The following PARD3 variants were observed in gnomAD, a reference collection of about 807,000 sequenced individuals.
The protein encoded by PARD3 is par-3 family cell polarity regulator, also known as partitioning defective 3 homolog.
PARD3 carries 75 observed loss-of-function variants against 155.4 expected under a neutral mutation model. That is an observed-to-expected ratio of 0.48 (90% CI 0.40 to 0.58). PARD3 has a LOEUF of 0.58. PARD3 is among the 20% of genes least tolerant of loss of function. PARD3 has a pLI of 0.00. For missense variants in PARD3, 1,642 were observed against 1,721.7 expected (o/e 0.95, Z 0.82); for synonymous variants, 576 against 610.5 (o/e 0.94, Z 0.83).
chr10:34,514,548 TG>T (rs1220847582), intron 3 of PARD3, among the ~76,000 whole-genome samples: 2 of 152,218 alleles, frequency 1.3e-5, no homozygotes, highest in Non-Finnish European at 2.9e-5. Context: ...GTATAGTAGA[TG>T]CTTAACCCAA....
At chr10:34,174,928 CAA>C (rs1433276768) in intron 22 of PARD3, among the ~76,000 whole-genome samples, 1 of 152,066 alleles carries the variant, frequency 6.6e-6, no homozygotes, top group Non-Finnish European at 1.5e-5. Flanking sequence ...ATTTATAATA[CAA>C]TTCGTTTCAA....
chr10:34,235,579 T>A (rs939057564), intron 22 of PARD3, among the ~76,000 whole-genome samples: 2 of 152,234 alleles, frequency 1.3e-5, no homozygotes, highest in Non-Finnish European at 2.9e-5. Context: ...AAACGCCACA[T>A]TAACTACCAC....
At chr10:34,389,257 A>AG (rs1454874936) in intron 7 of PARD3, among the ~76,000 whole-genome samples, 1 of 150,358 alleles carries the variant, frequency 6.7e-6, no homozygotes, top group Non-Finnish European at 1.5e-5. Context: ...AAAAAAAAAA[A>AG]AAAAAAAAGA....
chr10:34,270,333 G>T (rs1046001711), intron 21 of PARD3, among the ~76,000 whole-genome samples: 1 of 151,872 alleles, frequency 6.6e-6, no homozygotes, highest in Non-Finnish European at 1.5e-5. Context: ...AGTAGAGATG[G>T]GGTTTCACCA....
intron 2 of PARD3, among the ~76,000 whole-genome samples, chr10:34,663,347 T>C (rs2133168477): frequency 6.6e-6 from 1 of 152,098 alleles, no homozygotes; most frequent in Non-Finnish European, 1.5e-5. Flanking sequence ...ATGCCTGTAA[T>C]CTTAGCTACT....
At chr10:34,130,419 C>A (rs1947545396) in intron 23 of PARD3, among the ~76,000 whole-genome samples, 1 of 152,176 alleles carries the variant, frequency 6.6e-6, no homozygotes, top group Non-Finnish European at 1.5e-5. Context: ...CTTCTATTCC[C>A]AGTCTTCTAA....
chr10:34,179,438 G>A (rs760142145), intron 22 of PARD3, among the ~76,000 whole-genome samples: 1 of 152,218 alleles, frequency 6.6e-6, no homozygotes, highest in Admixed American at 6.5e-5. Flanking sequence ...GAGTGTTTCA[G>A]TGGAGGAAAA....
At chr10:34,704,805 G>C (rs139097139) in intron 1 of PARD3, among the ~76,000 whole-genome samples, 26 of 152,304 alleles carry the variant, frequency 1.7e-4, no homozygotes, top group Non-Finnish European at 2.6e-4. Flanking sequence ...ATGGCACACA[G>C]TTTACAGTTT....
intron 1 of PARD3, among the ~76,000 whole-genome samples, chr10:34,714,218 T>G (rs752849382): frequency 6.6e-6 from 1 of 152,150 alleles, no homozygotes; most frequent in Non-Finnish European, 1.5e-5. Context: ...TGACCTGATT[T>G]TTCACAAAGA....
At chr10:34,220,478 C>T (rs994686964) in intron 22 of PARD3, among the ~76,000 whole-genome samples, 5 of 152,146 alleles carry the variant, frequency 3.3e-5, no homozygotes, top group South Asian at 2.1e-4. Context: ...TTTACCTGTG[C>T]GATTTTGTGC....
chr10:34,678,273 C>T (rs2093749269), intron 2 of PARD3, among the ~76,000 whole-genome samples: 1 of 152,010 alleles, frequency 6.6e-6, no homozygotes, highest in African/African-American at 2.4e-5. Context: ...GGGGTTTCAC[C>T]ATGTTGCCCA....
intron 22 of PARD3, among the ~76,000 whole-genome samples, chr10:34,266,330 C>T (rs1395446334): frequency 6.6e-6 from 1 of 152,124 alleles, no homozygotes; most frequent in East Asian, 1.9e-4. Context: ...CATGACATCA[C>T]AGCCAAATTC....
At chr10:34,622,827 C>CTTTTTTTT (rs567045063) in intron 2 of PARD3, among the ~76,000 whole-genome samples, 62 of 113,232 alleles carry the variant, frequency 5.5e-4, no homozygotes, top group Non-Finnish European at 8.4e-4. Flanking sequence ...TTCTTTTTTT[C>CTTTTTTTT]TTTTTTTTTT....
chr10:34,145,219 ATATTTTTT>A (rs1303740408), intron 22 of PARD3, among the ~76,000 whole-genome samples: 59 of 53,512 alleles, frequency 1.1e-3, no homozygotes, highest in Non-Finnish European at 1.5e-3. Context: ...ATATATATAT[ATATTTTTT>A]TTTTTTTTTT....
At chr10:34,145,445 A>C (rs1948462797) in intron 22 of PARD3, among the ~76,000 whole-genome samples, 1 of 150,228 alleles carries the variant, frequency 6.7e-6, no homozygotes, top group Non-Finnish European at 1.5e-5. Flanking sequence ...TAAATATTGG[A>C]CCTCCCAGAA....
At chr10:34,288,358 G>A (rs1956503690) in intron 20 of PARD3, among the ~76,000 whole-genome samples, 1 of 152,112 alleles carries the variant, frequency 6.6e-6, no homozygotes, top group African/African-American at 2.4e-5. Context: ...TAAAATCACA[G>A]CATATTACTT....
intron 7 of PARD3, among the ~76,000 whole-genome samples, chr10:34,392,496 T>C (rs992301188): frequency 3.9e-5 from 6 of 152,296 alleles, no homozygotes; most frequent in Non-Finnish European, 2.9e-5. Context: ...TCTGCCAACA[T>C]GAGTCAGTAG....
intron 1 of PARD3, among the ~76,000 whole-genome samples, chr10:34,723,444 T>C (rs1018102415): frequency 6.6e-6 from 1 of 152,236 alleles, no homozygotes; most frequent in Non-Finnish European, 1.5e-5. Flanking sequence ...ATGTTTATTA[T>C]GCATTTCTGA....
intron 2 of PARD3, among the ~76,000 whole-genome samples, chr10:34,673,148 C>A (rs1041082477): frequency 6.6e-6 from 1 of 151,992 alleles, no homozygotes; most frequent in Non-Finnish European, 1.5e-5. Flanking sequence ...CGGGAAGCAC[C>A]GGAAGAATTA....
Sources: gnomAD v4.1 joint callset for allele counts (sites outside exome capture counted in the v4.1 genomes callset) on GRCh38, gnomAD v4.1.1 for gene constraint, MANE v1.5 for transcripts, NCBI Gene and HGNC (gene_info 2026-07-23, HGNC 2026-07-21) for gene names.